The following RMDN1 variants were observed in gnomAD, a reference collection of about 807,000 sequenced individuals.
RMDN1 encodes the protein regulator of microtubule dynamics 1, also known as regulator of microtubule dynamics protein 1.
Under a neutral mutation model 48.9 loss-of-function variants are expected in RMDN1, and 48 were observed. The observed-to-expected ratio is 0.98, with a 90% CI of 0.78 to 1.25. The LOEUF (loss-of-function observed/expected upper bound fraction) is 1.25. Ranked by LOEUF, RMDN1 falls within the 50% of genes most tolerant of loss-of-function variation. RMDN1 has a pLI of 0.00. For missense variants in RMDN1, 418 were observed against 373.4 expected (o/e 1.12, Z -0.98); for synonymous variants, 148 against 132.6 (o/e 1.12, Z -0.80).
At chr8:86,470,531 A>G (rs1586553635), downstream of RMDN1, 1 of 736,868 alleles carries the variant, frequency 1.4e-6, no homozygotes, top group Non-Finnish European at 1.9e-6. Flanking sequence ...AAAAGGACCC[A>G]GGAGCCACAC....
downstream of RMDN1, among the ~76,000 whole-genome samples, chr8:86,469,858 G>A (rs991759317): frequency 6.6e-6 from 1 of 152,164 alleles, no homozygotes; most frequent in African/African-American, 2.4e-5. Flanking sequence ...GATAATAGTA[G>A]TTGTATTTAC....
At chr8:86,480,745 A>G (rs1814250365) in intron 5 of RMDN1, among the ~76,000 whole-genome samples, 2 of 152,280 alleles carry the variant, frequency 1.3e-5, no homozygotes, top group South Asian at 4.1e-4. Flanking sequence ...CCTAAAGAAG[A>G]AAAGTGCATT....
chr8:86,476,348 A>G (rs911357339), intron 8 of RMDN1, among the ~76,000 whole-genome samples: 4 of 152,250 alleles, frequency 2.6e-5, no homozygotes, highest in Non-Finnish European at 5.9e-5. Flanking sequence ...TAAAACATTC[A>G]GATAAAATTC....
intron 9 of RMDN1, 94 bp from the exon 10 acceptor site, chr8:86,474,452 C>T: frequency 3.9e-6 from 4 of 1,020,944 alleles, no homozygotes; most frequent in Non-Finnish European, 6.1e-6. Context: ...CTAAGAGTTT[C>T]CAAAAACCAG....
chr8:86,482,616 G>A, intron 5 of RMDN1: 1 of 764,208 alleles, frequency 1.3e-6, no homozygotes, highest in Non-Finnish European at 2.4e-6. Context: ...CCACATCACT[G>A]AAGCCTCCCA....
chr8:86,480,194 T>C, intron 6 of RMDN1, 83 bp downstream of exon 6: 2 of 666,628 alleles, frequency 3.0e-6, no homozygotes, highest in Admixed American at 3.3e-5. Context: ...TTAATATCTT[T>C]TATATATGCA....
In RMDN1 at chr8:86,481,981, G is replaced by A. The variant is rs538792901; in HGVS notation, c.586-1649C>T. The A allele has an allele frequency of 3.0e-5, 26 of 866,002 alleles. No individual in the cohort carries two copies. The African/African-American group carries it at 4.2e-4, about 14-fold the overall frequency. 53.6% of individuals were successfully genotyped at this position (866,002 alleles called of 1,614,324 possible). A position where few individuals can be genotyped will look rare whatever the true frequency, so the allele number is the denominator to read the frequency against. On this transcript the variant is annotated intron_variant, in intron 5 of 9. Transcript: ENST00000406452. ...TGCTGCAAGCAGAAATCCACATGTG[G>A]AAATGGTGTCCAGGAGTACAGTCCT... is the stretch of plus-strand genomic sequence containing the variant.
chr8:86,470,402 A>G (rs1057102197), downstream of RMDN1: 3 of 1,283,394 alleles, frequency 2.3e-6, no homozygotes, highest in Non-Finnish European at 3.0e-6. Flanking sequence ...CACGTGGGGA[A>G]TCAGGCTCCT....
At chr8:86,475,068 C>T (rs1028284510) in intron 8 of RMDN1, 115 bp from the exon 9 acceptor site, 1 of 766,850 alleles carries the variant, frequency 1.3e-6, no homozygotes, top group African/African-American at 1.8e-5. Context: ...AGTGATTAGA[C>T]TAATGGGAAT....
At chr8:86,512,924 T>A (rs1445784798), upstream of RMDN1, among the ~76,000 whole-genome samples, 1 of 152,026 alleles carries the variant, frequency 6.6e-6, no homozygotes, top group Non-Finnish European at 1.5e-5. Flanking sequence ...ATAAATAAAA[T>A]AAAAATGTTT....
chr8:86,513,401 G>A (rs1820152042), upstream of RMDN1, among the ~76,000 whole-genome samples: 1 of 152,154 alleles, frequency 6.6e-6, no homozygotes, highest in Admixed American at 6.5e-5. Flanking sequence ...AAAAATAAAT[G>A]AACTTAAGAT....
rs192936110 is a variant in RMDN1 at position 86,474,225 on chromosome 8, A to G, written c.*83T>C. 1.2e-5 allele frequency: 19 copies of G among 1,577,330 alleles called. No individual in the cohort carries two copies. In the East Asian group the frequency reaches 3.8e-4, roughly 32 times the overall value. On this transcript the variant is annotated 3_prime_UTR_variant, in exon 10 of 10. Transcript: ENST00000406452. ...CACAACATTTAAAAAGCCGTAGAAC[A>G]GTTATAGTTCATATATTAAGTTTAG... is the stretch of plus-strand genomic sequence containing the variant.
chr8:86,471,492 T>C (rs13260345), downstream of RMDN1, among the ~76,000 whole-genome samples: 41,160 of 151,900 alleles, frequency 0.27, 6,441 homozygotes, highest in East Asian at 0.54. Flanking sequence ...ATTTAAAAAA[T>C]CTGAAATAGC....
At position 86,506,978 on chromosome 8, in the gene RMDN1, A is replaced by G. The variant is rs748657981; in HGVS notation, c.247+17T>C. On this transcript the variant is annotated intron_variant, in intron 2 of 9. Coordinates refer to ENST00000406452, the MANE Select transcript of RMDN1 (RefSeq NM_016033.3). The stretch of plus-strand genomic sequence containing the variant: ...CAAAAAAACTCTAAATGTTCCATAT[A>G]TCTAATTTATGCTTACCTTTGGCTG... The G allele has an allele frequency of 2.5e-5, 34 of 1,360,786 alleles. No individual in the cohort carries two copies. Among genetic ancestry groups the G allele is most frequent in the South Asian group, 1.2e-5 (1 of 83,554 alleles). The allele number at this position is 1,360,786 out of a possible 1,614,324, so 84.3% of individuals were successfully genotyped here.
intron 5 of RMDN1, among the ~76,000 whole-genome samples, chr8:86,480,999 TTCC>T (rs1230065437): frequency 6.6e-6 from 1 of 152,148 alleles, no homozygotes; most frequent in Non-Finnish European, 1.5e-5. Flanking sequence ...AAAGAAACTG[TTCC>T]TCCTTTTATC....
intron 1 of RMDN1, among the ~76,000 whole-genome samples, chr8:86,507,789 T>G (rs1476820637): frequency 6.6e-6 from 1 of 152,190 alleles, no homozygotes; most frequent in African/African-American, 2.4e-5. Flanking sequence ...TATGCCAAAT[T>G]TTAACCACCC....
In RMDN1 at chr8:86,477,137, C is replaced by T. The variant is rs555163645; in HGVS notation, c.760+157G>A. ...GCAGCCTATTTCTCATTCAGGTGAT[C>T]TTTACTGAATAAAGACTTTAAAAAT... On this transcript the variant is annotated intron_variant, in intron 8 of 9. Coordinates refer to ENST00000406452, the MANE Select transcript of RMDN1 (RefSeq NM_016033.3). 2.0e-5 allele frequency among the ~76,000 whole-genome samples: 3 copies of T among 152,248 alleles called. No homozygotes were observed. The East Asian group carries it at 5.8e-4, about 29-fold the overall frequency.
intron 2 of RMDN1, chr8:86,494,790 A>G (rs1817056274): frequency 7.0e-6 from 2 of 286,602 alleles, no homozygotes; most frequent in African/African-American, 2.2e-5. Flanking sequence ...CCCAGCCAAC[A>G]TGGTAAAACC....
intron 2 of RMDN1, 74 bp downstream of exon 2, chr8:86,506,921 G>T: frequency 1.3e-6 from 1 of 764,534 alleles, no homozygotes; most frequent in Non-Finnish European, 2.3e-6. Context: ...CTGATTCTTT[G>T]TTTTAAAATA....
Sources: allele counts gnomAD v4.1 joint callset (sites outside exome capture counted in the v4.1 genomes callset), GRCh38; gene constraint gnomAD v4.1.1; transcripts MANE v1.5; gene names NCBI Gene and HGNC (gene_info 2026-07-23, HGNC 2026-07-21).